PIBF1: variants seen among roughly 807,000 people sequenced by gnomAD.
PIBF1 encodes the protein progesterone-induced-blocking factor 1.
PIBF1 carries 90 observed loss-of-function variants against 112.5 expected under a neutral mutation model. That is an observed-to-expected ratio of 0.80 (90% CI 0.67 to 0.95). The LOEUF (loss-of-function observed/expected upper bound fraction) is 0.95. Among genes scored for constraint, PIBF1 ranks in the 40% least tolerant of loss-of-function variants. The pLI, the probability that PIBF1 is intolerant of heterozygous loss-of-function variation, is 0.00. For missense variants in PIBF1, 915 were observed against 852.3 expected, an observed-to-expected ratio of 1.07 and a Z score of -0.92; for synonymous variants, 301 against 288.6, an observed-to-expected ratio of 1.04 and a Z score of -0.44.
chr13:72,821,507 C>A (rs1034359537), intron 5 of PIBF1, among the ~76,000 whole-genome samples: 1 of 152,176 alleles, frequency 6.6e-6, no homozygotes, highest in African/African-American at 2.4e-5. Flanking sequence ...TTATTCACTT[C>A]TGTATCTTCA....
chr13:73,015,724 C>T, intron 17 of PIBF1, 145 bp from the exon 18 acceptor site: 1 of 353,236 alleles, frequency 2.8e-6, no homozygotes, highest in Non-Finnish European at 5.0e-6. Flanking sequence ...AAGTCTTCGC[C>T]CTTAAGTATC....
intron 10 of PIBF1, among the ~76,000 whole-genome samples, chr13:72,893,031 A>C (rs1047895253): frequency 1.2e-4 from 19 of 152,236 alleles, no homozygotes; most frequent in Non-Finnish European, 2.9e-5. Flanking sequence ...ATATTTGAAT[A>C]AATGAATTTT....
chr13:72,809,009 C>G (rs1023003154), intron 5 of PIBF1, among the ~76,000 whole-genome samples: 8 of 152,010 alleles, frequency 5.3e-5, no homozygotes, highest in African/African-American at 1.9e-4. Context: ...AGTTTATTCT[C>G]TACAGAGAGT....
At chr13:72,996,973 A>G (rs1256322925) in intron 16 of PIBF1, among the ~76,000 whole-genome samples, 2 of 152,180 alleles carry the variant, frequency 1.3e-5, no homozygotes, top group Non-Finnish European at 2.9e-5. Flanking sequence ...AGAAACTGCT[A>G]ATATTTTTTG....
chr13:72,919,923 G>A (rs562625160), intron 13 of PIBF1, among the ~76,000 whole-genome samples: 23 of 152,104 alleles, frequency 1.5e-4, no homozygotes, highest in Admixed American at 4.6e-4. Flanking sequence ...GCAGTGAACC[G>A]TGATTGTCCA....
At chr13:72,867,950 A>G (rs1432643137) in intron 10 of PIBF1, among the ~76,000 whole-genome samples, 4 of 152,092 alleles carry the variant, frequency 2.6e-5, no homozygotes, top group Non-Finnish European at 5.9e-5. Context: ...AATGATGCCT[A>G]TGGTTTCTAA....
At chr13:72,900,113 C>G (rs2040427702) in intron 11 of PIBF1, among the ~76,000 whole-genome samples, 1 of 151,996 alleles carries the variant, frequency 6.6e-6, no homozygotes, top group African/African-American at 2.4e-5. Flanking sequence ...ATGACACAAA[C>G]AAATGGAAAC....
intron 15 of PIBF1, among the ~76,000 whole-genome samples, chr13:72,965,700 T>TA (rs1424655232): frequency 6.6e-6 from 1 of 152,162 alleles, no homozygotes; most frequent in Non-Finnish European, 1.5e-5. Flanking sequence ...CTAGAACTCT[T>TA]TAGTGTGGTG....
chr13:72,916,168 C>A (rs1318863909), intron 12 of PIBF1, among the ~76,000 whole-genome samples: 1 of 151,838 alleles, frequency 6.6e-6, no homozygotes, highest in Non-Finnish European at 1.5e-5. Context: ...GCAGGCAGAT[C>A]ACCTGAGGTT....
chr13:72,991,036 C>T (rs528294806), intron 16 of PIBF1, among the ~76,000 whole-genome samples: 40 of 152,298 alleles, frequency 2.6e-4, no homozygotes, highest in Admixed American at 2.0e-3. Flanking sequence ...TTGCATTATG[C>T]TTGTCAAAGC....
chr13:72,844,121 G>A lies in PIBF1; in HGVS notation c.1223+8753G>A, dbSNP rs1177080770. The stretch of plus-strand genomic sequence containing the variant: ...TAGAAAAAGAAACACATTTTATGAA[G>A]TTTAGGTATTAATAACCGTATTTTA... On this transcript the variant is annotated intron_variant, in intron 9 of 17. Transcript: ENST00000326291. Among the ~76,000 whole-genome samples, 3 of 152,126 alleles carry A rather than the reference G, an allele frequency of 2.0e-5. No individual in the cohort carries two copies. The East Asian group carries it at 5.8e-4, about 29-fold the overall frequency.
intron 5 of PIBF1, among the ~76,000 whole-genome samples, chr13:72,802,010 A>ATAT (rs2035503469): frequency 1.7e-5 from 1 of 57,376 alleles, no homozygotes; most frequent in African/African-American, 8.7e-5. Flanking sequence ...TTTTTAAAAA[A>ATAT]TGTTTTCTCT....
In PIBF1 at chr13:72,834,342, A is replaced by G. The variant is rs558872602; in HGVS notation, c.1098-901A>G. Among the ~76,000 whole-genome samples, 4 of 152,312 alleles carry G rather than the reference A, an allele frequency of 2.6e-5. No homozygotes were observed. In the South Asian group the frequency reaches 6.2e-4, roughly 24 times the overall value. On this transcript the variant is annotated intron_variant, in intron 8 of 17. Transcript: ENST00000326291. ...ATTATATCGACATACCAAAACAAAC[A>G]TGCTGGGTGCAGTGGCTCACACCTG...
chr13:72,969,797 G>T (rs1233454607), intron 15 of PIBF1: 1 of 152,094 alleles, frequency 6.6e-6, no homozygotes, highest in African/African-American at 2.4e-5. Context: ...AACCCGAAGG[G>T]GTAGTTGTGA....
chr13:72,826,052 A>C (rs1267158771), intron 6 of PIBF1, among the ~76,000 whole-genome samples: 1 of 151,820 alleles, frequency 6.6e-6, no homozygotes, highest in Non-Finnish European at 1.5e-5. Context: ...AAAAAAAAAA[A>C]AAATTTAAAA....
chr13:72,902,935 T>G, intron 11 of PIBF1, among the ~76,000 whole-genome samples: 1 of 151,636 alleles, frequency 6.6e-6, no homozygotes, highest in Non-Finnish European at 1.5e-5. Flanking sequence ...TCACTCTGTC[T>G]CCCAGGCTGG....
intron 14 of PIBF1, among the ~76,000 whole-genome samples, chr13:72,963,429 A>G (rs1054048045): frequency 6.6e-6 from 1 of 152,126 alleles, no homozygotes; most frequent in South Asian, 2.1e-4. Context: ...CCCCGTATCT[A>G]CTAAAAATAT....
At chr13:72,900,742 G>T (rs2040453606) in intron 11 of PIBF1, among the ~76,000 whole-genome samples, 1 of 152,136 alleles carries the variant, frequency 6.6e-6, no homozygotes, top group African/African-American at 2.4e-5. Flanking sequence ...AACAAAGCTG[G>T]CCAGGTGCAG....
intron 17 of PIBF1, among the ~76,000 whole-genome samples, chr13:73,006,187 G>A (rs2044029439): frequency 6.6e-6 from 1 of 152,088 alleles, no homozygotes; most frequent in Admixed American, 6.5e-5. Context: ...CCAAAGTGCT[G>A]GGATTACAGG....
Sources: gnomAD v4.1 joint callset for allele counts (sites outside exome capture counted in the v4.1 genomes callset) on GRCh38, gnomAD v4.1.1 for gene constraint, MANE v1.5 for transcripts, NCBI Gene and HGNC (gene_info 2026-07-23, HGNC 2026-07-21) for gene names.